Variants in SLC5A4 observed in about 807,000 individuals in gnomAD.
SLC5A4 encodes the protein probable glucose sensor protein SLC5A4.
A neutral mutation model predicts 70.3 loss-of-function variants in SLC5A4; 55 were observed. That is an observed-to-expected ratio of 0.78 (90% CI 0.63 to 0.98). The LOEUF (loss-of-function observed/expected upper bound fraction) is 0.98. Ranked by LOEUF, SLC5A4 falls within the 50% of genes least tolerant of loss-of-function variation. The pLI is 0.00. For missense variants in SLC5A4, 735 were observed against 839.2 expected, an observed-to-expected ratio of 0.88 and a Z score of 1.53; for synonymous variants, 268 against 305.7, an observed-to-expected ratio of 0.88 and a Z score of 1.29.
the SLC5A4 span, among the ~76,000 whole-genome samples, chr22:32,292,823 T>G: frequency 6.6e-6 from 1 of 152,194 alleles, no homozygotes; most frequent in African/African-American, 2.4e-5. Flanking sequence ...CTTCATATTC[T>G]TACTTATTTT....
At chr22:32,349,608 C>G in the SLC5A4 span, among the ~76,000 whole-genome samples, 18,160 of 152,252 alleles carry the variant, frequency 0.12, 1,651 homozygotes, top group East Asian at 0.52. Flanking sequence ...CTTTTAAAAG[C>G]CTTTATTCCC....
chr22:32,307,860 C>T, the SLC5A4 span, among the ~76,000 whole-genome samples: 1 of 152,164 alleles, frequency 6.6e-6, no homozygotes. Flanking sequence ...GCTGTGGGGA[C>T]CAGGCAGACA....
At chr22:32,223,102 T>G (rs1310785873) in intron 13 of SLC5A4, among the ~76,000 whole-genome samples, 1 of 149,858 alleles carries the variant, frequency 6.7e-6, no homozygotes, top group Non-Finnish European at 1.5e-5. Flanking sequence ...ATTATGAACA[T>G]TTTTTTCCAA....
At chr22:32,252,479 G>T (rs899732112) in intron 2 of SLC5A4, among the ~76,000 whole-genome samples, 1 of 152,196 alleles carries the variant, frequency 6.6e-6, no homozygotes, top group Non-Finnish European at 1.5e-5. Flanking sequence ...AAATTTCATT[G>T]TCTGGAACAC....
chr22:32,354,476 C>G, the SLC5A4 span, among the ~76,000 whole-genome samples: 1 of 150,024 alleles, frequency 6.7e-6, no homozygotes, highest in Non-Finnish European at 1.5e-5. Context: ...TCCCGCCCAC[C>G]GCAGGCAGAG....
intron 10 of SLC5A4, among the ~76,000 whole-genome samples, chr22:32,230,416 T>C (rs576923074): frequency 5.3e-5 from 8 of 152,306 alleles, no homozygotes; most frequent in African/African-American, 1.9e-4. Context: ...CTACTAGATT[T>C]TGAGTTCCAA....
At chr22:32,341,107 A>G in the SLC5A4 span, among the ~76,000 whole-genome samples, 3 of 152,244 alleles carry the variant, frequency 2.0e-5, no homozygotes, top group African/African-American at 7.2e-5. Context: ...TCCCACGTCT[A>G]TGGGGTATCC....
the SLC5A4 span, among the ~76,000 whole-genome samples, chr22:32,309,734 G>A: frequency 6.6e-6 from 1 of 152,100 alleles, no homozygotes; most frequent in Non-Finnish European, 1.5e-5. Flanking sequence ...CCATGAGACA[G>A]CAAGGGCCGT....
chr22:32,291,412 C>T, the SLC5A4 span, among the ~76,000 whole-genome samples: 2 of 152,032 alleles, frequency 1.3e-5, no homozygotes, highest in East Asian at 1.9e-4. Flanking sequence ...CTCCTGACCT[C>T]GTGATCCACC....
At chr22:32,282,718 A>G in the SLC5A4 span, among the ~76,000 whole-genome samples, 1,803 of 152,024 alleles carry the variant, frequency 0.012, 43 homozygotes, top group African/African-American at 0.041. Flanking sequence ...TGAACTCCTC[A>G]TCTCCTCCCA....
the SLC5A4 span, among the ~76,000 whole-genome samples, chr22:32,260,548 A>G: frequency 6.6e-6 from 1 of 151,694 alleles, no homozygotes; most frequent in East Asian, 1.9e-4. Flanking sequence ...ACAAAAACCC[A>G]CAAATCATCT....
intron 5 of SLC5A4, among the ~76,000 whole-genome samples, chr22:32,241,783 G>A (rs1263631626): frequency 6.9e-6 from 1 of 144,008 alleles, no homozygotes; most frequent in Non-Finnish European, 1.5e-5. Context: ...ATATGTGTGT[G>A]TGTGTGTGTG....
At chr22:32,308,367 G>A in the SLC5A4 span, among the ~76,000 whole-genome samples, 3 of 152,334 alleles carry the variant, frequency 2.0e-5, no homozygotes, top group South Asian at 2.1e-4. Flanking sequence ...CCACGCCAGT[G>A]GAGGGGCCTG....
chr22:32,349,130 A>G, the SLC5A4 span, among the ~76,000 whole-genome samples: 3 of 151,978 alleles, frequency 2.0e-5, no homozygotes, highest in Non-Finnish European at 4.4e-5. Flanking sequence ...GTGTGTTACC[A>G]GCCTGGCTAA....
chr22:32,308,975 G>C, the SLC5A4 span, among the ~76,000 whole-genome samples: 1 of 152,172 alleles, frequency 6.6e-6, no homozygotes, highest in Admixed American at 6.5e-5. Flanking sequence ...GTCTCACTCT[G>C]TCGCCCAGAC....
At chr22:32,342,048 C>G in the SLC5A4 span, among the ~76,000 whole-genome samples, 1 of 152,214 alleles carries the variant, frequency 6.6e-6, no homozygotes, top group Non-Finnish European at 1.5e-5. Context: ...CAATGTATCA[C>G]CAGTGGCTAG....
intron 10 of SLC5A4, 39 bp from the exon 11 acceptor site, chr22:32,229,383 G>T: frequency 6.2e-7 from 1 of 1,602,482 alleles, no homozygotes; most frequent in Non-Finnish European, 8.5e-7. Context: ...GTTAGTGGCT[G>T]GACACTGCCT....
chr22:32,247,448 A>G lies in SLC5A4; in HGVS notation c.440T>C (p.Ile147Thr), dbSNP rs1297709869. ...AACCACACAGATGAAGAGGGAGAGG[A>G]TGGAGAGGTAGACCTGGAGTCGCTC... ...GGERLQVYLS[I>T]LSLFICVVLL... Residue 147 changes from isoleucine to threonine, a missense_variant, in exon 5 of 15, where the codon ATC becomes ACC. Transcript: ENST00000266086. 6.2e-7 allele frequency: 1 copy of G among 1,613,628 alleles called. No homozygotes were observed. Among genetic ancestry groups the G allele is most frequent in the South Asian group, 1.1e-5 (1 of 91,056 alleles).
At chr22:32,341,584 G>C in the SLC5A4 span, among the ~76,000 whole-genome samples, 1 of 152,216 alleles carries the variant, frequency 6.6e-6, no homozygotes, top group African/African-American at 2.4e-5. Flanking sequence ...GTCTTCAACA[G>C]AGCCGTGAAC....
Sources: gnomAD v4.1 joint callset for allele counts (sites outside exome capture counted in the v4.1 genomes callset) on GRCh38, gnomAD v4.1.1 for gene constraint, MANE v1.5 for transcripts, NCBI Gene and HGNC (gene_info 2026-07-23, HGNC 2026-07-21) for gene names.